Variants in FAT4 observed in about 807,000 individuals in gnomAD.
FAT4 encodes the protein protocadherin Fat 4.
In FAT4, 84 loss-of-function variants were observed where a neutral mutation model predicts 303.9. The ratio of observed to expected loss-of-function variants is 0.28; its 90% CI spans 0.23 to 0.33. The LOEUF is 0.33. Among genes scored for constraint, FAT4 ranks in the 10% least tolerant of loss-of-function variants. The probability of loss-of-function intolerance (pLI) is 1.00; values close to 1 mark genes in which losing one functional copy is unlikely to be tolerated. For missense variants in FAT4, 6,005 were observed against 6,146.8 expected (o/e 0.98, Z 0.77); for synonymous variants, 2,307 against 2,298.8 (o/e 1.00, Z -0.10).
At chr4:125,330,137 G>A (rs1009233873) in intron 2 of FAT4, among the ~76,000 whole-genome samples, 1 of 152,036 alleles carries the variant, frequency 6.6e-6, no homozygotes, top group African/African-American at 2.4e-5. Flanking sequence ...TTAGCCTTCG[G>A]GCTTTTGCCT....
chr4:125,401,008 T>A (rs1734367929), intron 3 of FAT4, among the ~76,000 whole-genome samples: 1 of 151,920 alleles, frequency 6.6e-6, no homozygotes, highest in Admixed American at 6.6e-5. Context: ...GATTTGTTTG[T>A]GTGCGAGTGT....
intron 2 of FAT4, among the ~76,000 whole-genome samples, chr4:125,351,692 G>A (rs985121452): frequency 5.9e-5 from 9 of 151,684 alleles, no homozygotes; most frequent in African/African-American, 2.2e-4. Context: ...AATGTGTAAT[G>A]AGTAAGAAGG....
intron 8 of FAT4, among the ~76,000 whole-genome samples, chr4:125,436,925 G>A (rs1725473797): frequency 6.6e-6 from 1 of 152,096 alleles, no homozygotes. Flanking sequence ...CACAATCTCA[G>A]CTCACTGCAG....
intron 2 of FAT4, among the ~76,000 whole-genome samples, chr4:125,328,945 A>T (rs746510560): frequency 6.8e-6 from 1 of 146,568 alleles, no homozygotes; most frequent in African/African-American, 2.6e-5. Flanking sequence ...AGTTGTTTTC[A>T]TATTTCTATA....
At chr4:125,373,649 TCA>T (rs1733206773) in intron 2 of FAT4, among the ~76,000 whole-genome samples, 1 of 152,210 alleles carries the variant, frequency 6.6e-6, no homozygotes, top group South Asian at 2.1e-4. Flanking sequence ...TCCATGTGCC[TCA>T]CACACTTTTA....
chr4:125,440,643 G>GAGAGA (rs1267577002), intron 8 of FAT4, among the ~76,000 whole-genome samples: 1 of 151,306 alleles, frequency 6.6e-6, no homozygotes, highest in African/African-American at 2.4e-5. Context: ...GAGAGAGAGA[G>GAGAGA]AATTTATTCC....
At position 125,457,161 on chromosome 4, in the gene FAT4, G is replaced by A. The variant is rs561810144; in HGVS notation, c.11800+4351G>A. ...CACACACACACACACACACACCACT[G>A]AGTATTTTATGTGGATTTAGAAATT... is the stretch of plus-strand genomic sequence containing the variant. On this transcript the variant is annotated intron_variant, in intron 10 of 17. Transcript: ENST00000394329. Among the ~76,000 whole-genome samples, 6 of 145,532 alleles carry A rather than the reference G, an allele frequency of 4.1e-5. No individual in the cohort carries two copies. The East Asian group carries it at 1.2e-3, about 29-fold the overall frequency.
rs189735159 is a variant in FAT4, at chr4:125,452,704, G to A, written c.11694G>A (p.Ala3898=). 2.9e-5 allele frequency: 47 copies of A among 1,613,990 alleles called. No individual in the cohort carries two copies. Among genetic ancestry groups the A allele is most frequent in the Middle Eastern group, 1.6e-4 (1 of 6,084 alleles). The change falls in exon 10 of 18, where the codon GCG becomes GCA. Residue 3898 remains alanine, a synonymous_variant. Transcript: ENST00000394329. ...CSCPDGFTGR[A]CERDINECLQ... ...GCCCAGATGGCTTCACTGGTAGGGC[G>A]TGTGAGAGAGATATCAATGAGTGCC...
At chr4:125,338,568 G>A (rs747334589) in intron 2 of FAT4, among the ~76,000 whole-genome samples, 1 of 152,138 alleles carries the variant, frequency 6.6e-6, no homozygotes, top group Non-Finnish European at 1.5e-5. Context: ...TCTATTTATA[G>A]CTTTTATCCA....
chr4:125,320,173 A>G lies in FAT4; in HGVS notation c.3762A>G (p.Glu1254=), dbSNP rs760624588. The stretch of plus-strand genomic sequence containing the variant: ...ACTATTCTATAATAAAAGGAAATGA[A>G]GAAAGACAGTTTGCTATAGACAGTA... ...LIHYSIIKGN[E]ERQFAIDSTS... The change falls in exon 2 of 18, where the codon GAA becomes GAG. Residue 1254 remains glutamate, a synonymous_variant. Transcript: ENST00000394329. The G allele has an allele frequency of 3.7e-6, 6 of 1,613,990 alleles. No homozygotes were observed. Among genetic ancestry groups the G allele is most frequent in the Non-Finnish European group, 5.1e-6 (6 of 1,179,860 alleles).
chr4:125,359,780 A>C (rs1732581811), intron 2 of FAT4, among the ~76,000 whole-genome samples: 1 of 152,150 alleles, frequency 6.6e-6, no homozygotes, highest in Non-Finnish European at 1.5e-5. Context: ...CAGGGAACAA[A>C]TGCCCTTACG....
At chr4:125,327,550 G>T (rs888889838) in intron 2 of FAT4, among the ~76,000 whole-genome samples, 2 of 152,012 alleles carry the variant, frequency 1.3e-5, no homozygotes, top group African/African-American at 4.8e-5. Flanking sequence ...GAATTAAAGG[G>T]CTTTATAAAT....
chr4:125,456,973 G>A (rs1162878315), intron 10 of FAT4, among the ~76,000 whole-genome samples: 2 of 152,032 alleles, frequency 1.3e-5, no homozygotes, highest in Admixed American at 6.6e-5. Context: ...TTAAATTACT[G>A]TATTTTTCAT....
intron 2 of FAT4, among the ~76,000 whole-genome samples, chr4:125,329,482 C>T (rs907365330): frequency 1.2e-4 from 18 of 152,164 alleles, no homozygotes; most frequent in African/African-American, 2.9e-4. Flanking sequence ...CAGCCTCGTT[C>T]GCAAGCATCT....
chr4:125,393,499 T>A (rs1210677829), intron 2 of FAT4, among the ~76,000 whole-genome samples: 3 of 152,170 alleles, frequency 2.0e-5, no homozygotes, highest in Non-Finnish European at 4.4e-5. Context: ...TGTTCCTTAG[T>A]TATGTAGTTG....
chr4:125,373,590 C>T (rs565262014), intron 2 of FAT4, among the ~76,000 whole-genome samples: 1 of 152,262 alleles, frequency 6.6e-6, no homozygotes, highest in South Asian at 2.1e-4. Flanking sequence ...TTAAGTAATG[C>T]TAATACTAAT....
chr4:125,449,167 T>G lies in FAT4; in HGVS notation c.8157T>G (p.Ser2719Arg). 6.2e-7 allele frequency: 1 copy of G among 1,613,996 alleles called. No individual in the cohort carries two copies. The highest frequency in any genetic ancestry group is 1.7e-5 in the Admixed American group (1 of 60,006). ...ATGGCAACATGGAAAATAGTTTCAG[T>G]ATCAATCATGCTACTGGTGAAATTA... ...IVNGNMENSF[S>R]INHATGEIRS... Residue 2719 changes from serine (S) to arginine (R), a missense_variant, in exon 10 of 18, where the codon AGT becomes AGG. Transcript: ENST00000394329.
At chr4:125,403,704 A>G (rs979550375) in intron 3 of FAT4, among the ~76,000 whole-genome samples, 1 of 152,178 alleles carries the variant, frequency 6.6e-6, no homozygotes, top group Non-Finnish European at 1.5e-5. Context: ...GCATCAAAGC[A>G]GGTCCTATTC....
chr4:125,380,312 T>A (rs1733492930), intron 2 of FAT4, among the ~76,000 whole-genome samples: 1 of 152,208 alleles, frequency 6.6e-6, no homozygotes, highest in African/African-American at 2.4e-5. Flanking sequence ...AATATTAACC[T>A]GCGAAGGGTA....
Sources: allele counts gnomAD v4.1 joint callset (sites outside exome capture counted in the v4.1 genomes callset), GRCh38; gene constraint gnomAD v4.1.1; transcripts MANE v1.5; gene names NCBI Gene and HGNC (gene_info 2026-07-23, HGNC 2026-07-21).